CDON: variants seen among roughly 807,000 people sequenced by gnomAD.
CDON encodes the protein cell adhesion molecule-related/down-regulated by oncogenes.
CDON carries 73 observed loss-of-function variants against 120.9 expected under a neutral mutation model. The observed-to-expected ratio is 0.60, with a 90% confidence interval of 0.50 to 0.73. The LOEUF is 0.73. CDON is among the 30% of genes least tolerant of loss of function. The pLI is 0.00. For missense variants in CDON, 1,470 were observed against 1,587.3 expected (o/e 0.93, Z 1.26); for synonymous variants, 566 against 573.5 (o/e 0.99, Z 0.19).
chr11:126,029,596 A>G (rs1440049886), intron 1 of CDON, among the ~76,000 whole-genome samples: 2 of 152,078 alleles, frequency 1.3e-5, no homozygotes, highest in Non-Finnish European at 2.9e-5. Context: ...CTAATCTACT[A>G]GAGGTAATAA....
In CDON at chr11:125,961,903, G is replaced by A; in HGVS notation, c.3452C>T (p.Pro1151Leu). 1 of 1,614,194 alleles carries A rather than the reference G, an allele frequency of 6.2e-7. No individual in the cohort carries two copies. The highest frequency in any genetic ancestry group is 8.5e-7 in the Non-Finnish European group (1 of 1,180,018). The change falls in exon 19 of 20, where the codon CCC becomes CTC. Residue 1151 changes from proline (P) to leucine (L), a missense_variant. Transcript: ENST00000531738. ...TACAGGCACCTTCACGTGACTGAGG[G>A]GCTTCATTTCCAAACCATCCTGAGG... ...PYPQDGLEMK[P>L]LSHVKVPVCL...
chr11:126,042,252 T>C (rs1948282103), intron 1 of CDON, among the ~76,000 whole-genome samples: 2 of 152,230 alleles, frequency 1.3e-5, no homozygotes, highest in Non-Finnish European at 2.9e-5. Flanking sequence ...TAAAATATTG[T>C]ACAAGTACTT....
Position 126,010,479 on chromosome 11 carries a change from G to A in CDON, c.1414C>T (p.Pro472Ser). The change falls in exon 8 of 20, where the codon CCT (proline) becomes TCT (serine). Residue 472 changes from proline to serine, a missense_variant. Transcript: ENST00000531738. ...GCTTGGGACAGGACGAAGTACACAG[G>A]CTCCAGGTTCAAGCCCTCAGGTCTT... is the stretch of plus-strand genomic sequence containing the variant. Reference protein sequence around the residue: ...LSRPEGLNLEPVYFVLSQAGA... With the variant: ...LSRPEGLNLESVYFVLSQAGA... 2 of 1,614,120 alleles carry A rather than the reference G, an allele frequency of 1.2e-6. No individual in the cohort carries two copies. Among genetic ancestry groups the A allele is most frequent in the Non-Finnish European group, 1.7e-6 (2 of 1,180,008 alleles).
In CDON at chr11:126,019,782, A is replaced by G; in HGVS notation, c.350-17T>C. Reference sequence around the variant, plus strand: ...CACCAAGAACTGAAATATATAAGGAAACAGATAAATAAATACATGCAAATT... The same window carrying G: ...CACCAAGAACTGAAATATATAAGGAGACAGATAAATAAATACATGCAAATT... On this transcript the variant is annotated splice_polypyrimidine_tract_variant and intron_variant, in intron 3 of 19. Coordinates refer to ENST00000531738, the MANE Select transcript of CDON (RefSeq NM_001378964.1). The G allele has an allele frequency of 6.3e-7, 1 of 1,599,750 alleles. No individual in the cohort carries two copies. The highest frequency in any genetic ancestry group is 8.6e-7 in the Non-Finnish European group (1 of 1,168,252).
chr11:125,997,221 C>A lies in CDON; in HGVS notation c.2348G>T (p.Arg783Leu). ...AATATTACTACCTGGTTCTAAACTA[C>A]GAACTTCCACTGAAAGTTTGGAAGG... ...IPPSKLSVEV[R>L]SLEPGSTYKF... The change falls in exon 12 of 20, where the codon CGT becomes CTT. Residue 783 changes from arginine (R) to leucine (L), a missense_variant. Transcript: ENST00000531738. 1 of 1,612,804 alleles carries A rather than the reference C, an allele frequency of 6.2e-7. No individual in the cohort carries two copies. Among genetic ancestry groups the A allele is most frequent in the Non-Finnish European group, 8.5e-7 (1 of 1,178,784 alleles).
rs774504268 is a variant in CDON at position 126,015,525 on chromosome 11, C to T, written c.929-15G>A. Reference sequence around the variant, plus strand: ...GGAAGCATGTTCTGAAAATAAAACACACAAATTAAACTCTAGCCCTCAAAA... The same window carrying T: ...GGAAGCATGTTCTGAAAATAAAACATACAAATTAAACTCTAGCCCTCAAAA... On this transcript the variant is annotated splice_polypyrimidine_tract_variant and intron_variant, in intron 6 of 19. Transcript: ENST00000531738. The T allele has an allele frequency of 7.4e-6, 12 of 1,612,974 alleles. No homozygotes were observed. The South Asian group carries it at 1.3e-4, about 18-fold the overall frequency.
At chr11:126,010,237 TAGAG>T in intron 8 of CDON, 100 bp downstream of exon 8, 2 of 838,044 alleles carry the variant, frequency 2.4e-6, no homozygotes, top group Admixed American at 2.3e-5. Flanking sequence ...GGAAAAAATA[TAGAG>T]AGATTGCTGG....
chr11:126,011,207 T>C (rs517835), intron 7 of CDON, among the ~76,000 whole-genome samples: 30,717 of 152,214 alleles, frequency 0.2, 4,051 homozygotes, highest in East Asian at 0.54. Flanking sequence ...TTTTTTCCCA[T>C]AGGCATGAAC....
intron 6 of CDON, 51 bp downstream of exon 6, chr11:126,017,037 T>G: frequency 6.8e-7 from 1 of 1,463,586 alleles, no homozygotes; most frequent in Non-Finnish European, 9.5e-7. Flanking sequence ...AGGTATCAGT[T>G]AGACCAGAAA....
At chr11:126,009,479 T>G (rs924100780) in intron 8 of CDON, among the ~76,000 whole-genome samples, 3 of 152,086 alleles carry the variant, frequency 2.0e-5, no homozygotes, top group Non-Finnish European at 4.4e-5. Flanking sequence ...CAGACCTGTC[T>G]AGAAGGAGGA....
At position 125,961,016 on chromosome 11, in the gene CDON, T is replaced by C. The variant is rs775781002; in HGVS notation, c.3721A>G (p.Lys1241Glu). Residue 1241 changes from lysine (K) to glutamate (E), a missense_variant, in exon 20 of 20, where the codon AAG becomes GAG. Transcript: ENST00000531738. ...ATGCCAGGTGGAGACCACATTGTCT[T>C]CTCAGCACAGCCCTCGGGGACAGGT... is the stretch of plus-strand genomic sequence containing the variant. Reference protein sequence around the residue: ...LPPVPEGCAEKTMWSPPGIPL... With the variant: ...LPPVPEGCAEETMWSPPGIPL... The C allele has an allele frequency of 1.2e-6, 2 of 1,614,140 alleles. No homozygotes were observed. Among genetic ancestry groups the C allele is most frequent in the Non-Finnish European group, 1.7e-6 (2 of 1,179,992 alleles).
chr11:126,044,181 A>C (rs146031258), intron 1 of CDON, among the ~76,000 whole-genome samples: 1,584 of 152,380 alleles, frequency 0.01, 32 homozygotes, highest in African/African-American at 0.036. Flanking sequence ...CATACTGCAC[A>C]GATCCCATGT....
In CDON at chr11:125,989,730, G is replaced by GT; in HGVS notation, c.2679_2680insA (p.Leu894ThrfsTer8). ...ATGTCATAGGAGGTTTCTGGCTGCAGGTGGCCAATCATGTGCCACTGCTTT... is the reference window on the plus strand; with the variant it reads ...ATGTCATAGGAGGTTTCTGGCTGCAGTGTGGCCAATCATGTGCCACTGCTTT... On this transcript the variant is annotated frameshift_variant, in exon 15 of 20. Coordinates refer to ENST00000531738, the MANE Select transcript of CDON (RefSeq NM_001378964.1). LOFTEE classifies it high-confidence loss of function. The GT allele has an allele frequency of 6.2e-7, 1 of 1,613,034 alleles. No homozygotes were observed. The highest frequency in any genetic ancestry group is 8.5e-7 in the Non-Finnish European group (1 of 1,179,206).
At chr11:126,062,269 C>T (rs948846872) in intron 1 of CDON, among the ~76,000 whole-genome samples, 3 of 152,136 alleles carry the variant, frequency 2.0e-5, no homozygotes, top group African/African-American at 7.2e-5. Flanking sequence ...CCCTAGCTCC[C>T]CGCTCTGCGG....
chr11:125,989,557 C>G (rs1946568355), intron 15 of CDON, 80 bp downstream of exon 15: 2 of 1,374,384 alleles, frequency 1.5e-6, no homozygotes, highest in Non-Finnish European at 2.1e-6. Flanking sequence ...AAACAAAACC[C>G]AGAATATATC....
At chr11:126,043,981 G>T (rs1353251191) in intron 1 of CDON, among the ~76,000 whole-genome samples, 1 of 152,192 alleles carries the variant, frequency 6.6e-6, no homozygotes, top group African/African-American at 2.4e-5. Context: ...CAGTGCCCAG[G>T]TGCATTTGCA....
intron 1 of CDON, among the ~76,000 whole-genome samples, chr11:126,045,927 G>A (rs933307902): frequency 4.0e-5 from 6 of 151,826 alleles, no homozygotes; most frequent in Admixed American, 2.0e-4. Flanking sequence ...CCAGGATCAC[G>A]CCACTGCACT....
intron 1 of CDON, among the ~76,000 whole-genome samples, chr11:126,055,959 T>G (rs1041019692): frequency 1.3e-5 from 2 of 152,212 alleles, no homozygotes; most frequent in Non-Finnish European, 2.9e-5. Flanking sequence ...AAAAATGTAT[T>G]TATCCAATGG....
At chr11:125,969,299 G>A (rs1007096608) in intron 18 of CDON, among the ~76,000 whole-genome samples, 1 of 152,096 alleles carries the variant, frequency 6.6e-6, no homozygotes, top group East Asian at 1.9e-4. Flanking sequence ...CGCCTGGACC[G>A]TGAAAACAAA....
Sources: gnomAD v4.1 joint callset for allele counts (sites outside exome capture counted in the v4.1 genomes callset) on GRCh38, gnomAD v4.1.1 for gene constraint, MANE v1.5 for transcripts, NCBI Gene and HGNC (gene_info 2026-07-23, HGNC 2026-07-21) for gene names.